ELMO2: variants seen among roughly 807,000 people sequenced by gnomAD.
The protein encoded by ELMO2 is engulfment and cell motility 2, also known as engulfment and cell motility protein 2.
A neutral mutation model predicts 96.2 loss-of-function variants in ELMO2; 37 were observed. The observed-to-expected ratio is 0.38, with a 90% CI of 0.30 to 0.51. The LOEUF (loss-of-function observed/expected upper bound fraction) is 0.51. Among genes scored for constraint, ELMO2 ranks in the 20% least tolerant of loss-of-function variants. The pLI is 0.88. For synonymous variants in ELMO2, 315 were observed against 329.4 expected, an observed-to-expected ratio of 0.96 and a Z score of 0.47; for missense variants, 561 against 912.6, an observed-to-expected ratio of 0.61 and a Z score of 4.96.
chr20:46,371,339 GAAATGA>G lies in ELMO2; in HGVS notation c.1801+7_1801+12del, dbSNP rs769226766. Reference sequence around the variant, plus strand: ...CCAGCAACCATGACACATCAACAGAGAAATGAACCTACTTTTCTCCTGCAGGGATTC... The same window carrying G: ...CCAGCAACCATGACACATCAACAGAGACCTACTTTTCTCCTGCAGGGATTC... On this transcript the variant is annotated splice_region_variant and intron_variant, in intron 19 of 21. Coordinates refer to ENST00000290246, the MANE Select transcript of ELMO2 (RefSeq NM_133171.5). This position sits in a 1 kb window ranked among gnomAD's most constrained non-coding sequence, Gnocchi z 5.9. The G allele has an allele frequency of 4.4e-5, 71 of 1,613,206 alleles. 1 individual carries two copies. The South Asian group carries it at 7.8e-4, about 18-fold the overall frequency.
chr20:46,389,067 C>A lies in ELMO2; in HGVS notation c.397G>T (p.Val133Leu). 1 of 1,613,976 alleles carries A rather than the reference C, an allele frequency of 6.2e-7. No homozygotes were observed. Among genetic ancestry groups the A allele is most frequent in the Non-Finnish European group, 8.5e-7 (1 of 1,179,904 alleles). ...MDGIIVLTRL[V>L]ESGTKLLSHY... ...GACAAGAGCTTGGTTCCACTTTCCA[C>A]GAGCCTTGTCAGCACAATGATGCCA... Residue 133 changes from valine (V) to leucine (L), a missense_variant, in exon 7 of 22, where the codon GTG (valine) becomes TTG (leucine). Val to Leu is a conservative substitution (Grantham distance 32). Coordinates refer to ENST00000290246, the MANE Select transcript of ELMO2 (RefSeq NM_133171.5).
chr20:46,384,212 C>T (rs2060003318), intron 9 of ELMO2, among the ~76,000 whole-genome samples: 1 of 152,156 alleles, frequency 6.6e-6, no homozygotes, highest in Admixed American at 6.5e-5. Context: ...TTGCGTTTTT[C>T]TGTATTTTTA....
intron 11 of ELMO2, among the ~76,000 whole-genome samples, chr20:46,378,037 T>A (rs2145789649): frequency 6.6e-6 from 1 of 152,354 alleles, no homozygotes; most frequent in South Asian, 2.1e-4. Flanking sequence ...CCCTAATTTA[T>A]AAAACAGCTT....
At chr20:46,370,404 A>G (rs781021324) in intron 20 of ELMO2, 39 bp downstream of exon 20, 114 of 1,583,490 alleles carry the variant, frequency 7.2e-5, no homozygotes, top group East Asian at 1.6e-4. Context: ...CTCTCCAAGT[A>G]TCACTGGGCC....
intron 11 of ELMO2, chr20:46,379,968 T>C (rs2145795627): frequency 6.9e-6 from 2 of 288,876 alleles, no homozygotes; most frequent in East Asian, 6.1e-5. Context: ...TTTTAACATA[T>C]TCCCTCTGGA....
chr20:46,367,928 G>A (rs2059617483), intron 21 of ELMO2, among the ~76,000 whole-genome samples: 1 of 152,136 alleles, frequency 6.6e-6, no homozygotes, highest in Non-Finnish European at 1.5e-5. Flanking sequence ...GACACAAACA[G>A]AAGTCACTGT....
At position 46,375,437 on chromosome 20, in the gene ELMO2, G is replaced by A; in HGVS notation, c.931-67C>T. On this transcript the variant is annotated intron_variant, in intron 12 of 21. Coordinates refer to ENST00000290246, the MANE Select transcript of ELMO2 (RefSeq NM_133171.5). The surrounding 1 kb of genome is among the most constrained non-coding windows in gnomAD (Gnocchi z 4.6). ...CAAGGGAGCAAGGAAAAGAAACAGT[G>A]GGTCAGGCTTTTCTGGGCCAAACTT... The A allele has an allele frequency of 3.2e-6, 5 of 1,586,272 alleles. No individual in the cohort carries two copies. Among genetic ancestry groups the A allele is most frequent in the Non-Finnish European group, 4.3e-6 (5 of 1,163,638 alleles).
intron 1 of ELMO2, among the ~76,000 whole-genome samples, chr20:46,401,014 T>C (rs2060326087): frequency 6.6e-6 from 1 of 152,190 alleles, no homozygotes; most frequent in South Asian, 2.1e-4. Flanking sequence ...CTTCCCCCTA[T>C]TCCTTTCAGG....
chr20:46,380,101 A>G (rs1360774807), intron 11 of ELMO2, 152 bp downstream of exon 11: 11 of 630,996 alleles, frequency 1.7e-5, no homozygotes, highest in Non-Finnish European at 2.9e-5. Flanking sequence ...GATCGCGGGA[A>G]AAAGCTATTC....
intron 8 of ELMO2, 132 bp from the exon 9 acceptor site, chr20:46,386,407 T>C: frequency 7.9e-7 from 1 of 1,267,018 alleles, no homozygotes. Flanking sequence ...GATAGTGGTA[T>C]CTGGTTTACG....
At chr20:46,368,779 T>A in intron 21 of ELMO2, 112 bp downstream of exon 21, 1 of 1,115,114 alleles carries the variant, frequency 9.0e-7, no homozygotes, top group Non-Finnish European at 1.3e-6. Flanking sequence ...TAGGCTTCAA[T>A]ATACACTGCA....
At position 46,375,302 on chromosome 20, in the gene ELMO2, G is replaced by A; in HGVS notation, c.999C>T (p.Ala333=). 1 of 1,614,096 alleles carries A rather than the reference G, an allele frequency of 6.2e-7. No individual in the cohort carries two copies. The highest frequency in any genetic ancestry group is 8.5e-7 in the Non-Finnish European group (1 of 1,180,024). ...TGCGTTTTTCGGTCCCACTCCCAGG[G>A]GCATTGCTAGGATCAGACTCTGCGT... ...AFDAESDPSN[A]PGSGTEKRKA... is the part of the protein sequence containing the mutation. The change falls in exon 13 of 22, where the codon GCC becomes GCT. Residue 333 remains alanine, a synonymous_variant. Coordinates refer to ENST00000290246, the MANE Select transcript of ELMO2 (RefSeq NM_133171.5). The surrounding 1 kb of genome is among the most constrained non-coding windows in gnomAD (Gnocchi z 4.6).
chr20:46,370,187 A>G (rs1378240788), intron 20 of ELMO2: 1 of 621,862 alleles, frequency 1.6e-6, no homozygotes, highest in African/African-American at 1.8e-5. Context: ...TACAGATGAA[A>G]CAGTGTGATA....
At position 46,367,565 on chromosome 20, in the gene ELMO2, G is replaced by A; in HGVS notation, c.1963-5C>T. On this transcript the variant is annotated splice_polypyrimidine_tract_variant and splice_region_variant and intron_variant, in intron 21 of 21. Coordinates refer to ENST00000290246, the MANE Select transcript of ELMO2 (RefSeq NM_133171.5). ...GCCATCAATCCAGATGCAGTACTGTGGGGAGCAAGTTGCAAAATGTCACAT... is the reference window on the plus strand; with the variant it reads ...GCCATCAATCCAGATGCAGTACTGTAGGGAGCAAGTTGCAAAATGTCACAT... 1.3e-6 allele frequency: 2 copies of A among 1,594,328 alleles called. No homozygotes were observed. The highest frequency in any genetic ancestry group is 2.3e-5 in the East Asian group (1 of 43,920).
intron 2 of ELMO2, 42 bp downstream of exon 2, chr20:46,398,655 A>G (rs190932061): frequency 5.0e-4 from 76 of 152,308 alleles, no homozygotes; most frequent in African/African-American, 1.7e-3. Context: ...CTATATCATT[A>G]TTATAGTTGA....
intron 2 of ELMO2, among the ~76,000 whole-genome samples, chr20:46,397,262 C>A (rs6017807): frequency 0.13 from 20,385 of 152,148 alleles, 2,115 homozygotes; most frequent in African/African-American, 0.29. Flanking sequence ...CCCACAAAGC[C>A]CAGGCAGCCT....
chr20:46,369,528 T>C (rs1489091204), intron 20 of ELMO2: 1 of 153,222 alleles, frequency 6.5e-6, no homozygotes, highest in African/African-American at 2.4e-5. Context: ...GTTCAGCTCA[T>C]AAATGAAAAG....
chr20:46,377,027 G>A (rs41304409), intron 11 of ELMO2: 4,324 of 306,658 alleles, frequency 0.014, 60 homozygotes, highest in Non-Finnish European at 0.021. Flanking sequence ...GCTCTAGAGC[G>A]CTCTGACTTT....
In ELMO2 at chr20:46,366,623, TA is replaced by T. The variant is rs1441582274; in HGVS notation, c.*736del. 1 of 152,344 alleles carries T rather than the reference TA, an allele frequency of 6.6e-6. No homozygotes were observed. Among genetic ancestry groups the T allele is most frequent in the Non-Finnish European group, 1.5e-5 (1 of 68,094 alleles). 9.4% of individuals were successfully genotyped at this position (152,344 alleles called of 1,614,324 possible). On this transcript the variant is annotated 3_prime_UTR_variant, in exon 22 of 22. Coordinates refer to ENST00000290246, the MANE Select transcript of ELMO2 (RefSeq NM_133171.5). ...AGAATCTAGTGACCTCACCACAGTC[TA>T]GGCCCAGGCCTCAGCTGGGTTTTCC...
Sources: allele counts gnomAD v4.1 joint callset (sites outside exome capture counted in the v4.1 genomes callset), GRCh38; gene constraint gnomAD v4.1.1; non-coding constraint Gnocchi (gnomAD v3.1); transcripts MANE v1.5; gene names NCBI Gene and HGNC (gene_info 2026-07-23, HGNC 2026-07-21).